The following STK17A variants were observed in gnomAD, a reference collection of about 807,000 sequenced individuals.
STK17A encodes the protein serine/threonine kinase 17a.
A neutral mutation model predicts 43.7 loss-of-function variants in STK17A; 26 were observed. That is an observed-to-expected ratio of 0.60 (90% CI 0.44 to 0.83). The LOEUF is 0.83. STK17A is among the 40% of genes least tolerant of loss of function. The pLI, the probability that STK17A is intolerant of heterozygous loss-of-function variation, is 0.00. For synonymous variants in STK17A, 191 were observed against 182.5 expected (o/e 1.05, Z -0.38); for missense variants, 476 against 511.6 (o/e 0.93, Z 0.67).
intron 4 of STK17A, chr7:43,623,262 G>T (rs575030292): frequency 2.4e-5 from 6 of 253,570 alleles, no homozygotes; most frequent in Non-Finnish European, 4.5e-5. Context: ...TAAAAGCCAT[G>T]ATCTGATAGA....
intron 2 of STK17A, among the ~76,000 whole-genome samples, chr7:43,606,855 C>CTT (rs200562237): frequency 1.5e-5 from 2 of 132,814 alleles, no homozygotes; most frequent in African/African-American, 5.6e-5. Context: ...AATATAGTCT[C>CTT]TTTTTTTTTG....
intron 1 of STK17A, among the ~76,000 whole-genome samples, chr7:43,585,140 T>A (rs2082429771): frequency 6.6e-6 from 1 of 151,810 alleles, no homozygotes; most frequent in Admixed American, 6.6e-5. Context: ...GAGGTTGCAG[T>A]GAGCCAAGAT....
intron 1 of STK17A, among the ~76,000 whole-genome samples, chr7:43,587,279 C>T (rs1268688488): frequency 1.4e-4 from 21 of 150,270 alleles, no homozygotes; most frequent in African/African-American, 4.9e-4. Flanking sequence ...CTCAGCCTCC[C>T]GAGTAGCTGG....
Position 43,583,343 on chromosome 7 carries a change from C to A in STK17A, c.100C>A (p.Pro34Thr). 1 of 1,435,380 alleles carries A rather than the reference C, an allele frequency of 7.0e-7. No homozygotes were observed. The highest frequency in any genetic ancestry group is 9.1e-7 in the Non-Finnish European group (1 of 1,093,038). The allele number at this position is 1,435,380 out of a possible 1,614,324, so 88.9% of individuals were successfully genotyped here. Residue 34 changes from proline to threonine, a missense_variant, in exon 1 of 7, where the codon CCG becomes ACG. Transcript: ENST00000319357. ...GGGTCTGAGCGGGCCGTGCCGGCCG[C>A]CGCCGCCGCCCCAGGCCCGCGGGCT... ...GRGLSGPCRP[P>T]PPPQARGLLT...
intron 2 of STK17A, among the ~76,000 whole-genome samples, chr7:43,604,103 T>C (rs1376960463): frequency 1.3e-5 from 2 of 152,186 alleles, no homozygotes; most frequent in Non-Finnish European, 2.9e-5. Flanking sequence ...GTATTAAGCA[T>C]TCACTATGTG....
At chr7:43,621,621 G>T (rs2083898973) in intron 4 of STK17A, among the ~76,000 whole-genome samples, 1 of 152,040 alleles carries the variant, frequency 6.6e-6, no homozygotes, top group Non-Finnish European at 1.5e-5. Flanking sequence ...GCACGTGCCA[G>T]CACAGCGGGC....
intron 3 of STK17A, among the ~76,000 whole-genome samples, chr7:43,615,817 A>G (rs1246348960): frequency 6.6e-6 from 1 of 151,872 alleles, no homozygotes; most frequent in Non-Finnish European, 1.5e-5. Flanking sequence ...CTTCCTGCTT[A>G]CTCCAACCCC....
chr7:43,618,319 T>G (rs2083535045), intron 3 of STK17A, among the ~76,000 whole-genome samples: 2 of 152,190 alleles, frequency 1.3e-5, no homozygotes, highest in African/African-American at 4.8e-5. Flanking sequence ...TGAGAATAAA[T>G]CTGTCAGGCA....
At chr7:43,623,938 A>C in intron 6 of STK17A, 50 bp downstream of exon 6, 1 of 1,263,576 alleles carries the variant, frequency 7.9e-7, no homozygotes, top group Non-Finnish European at 1.0e-6. Context: ...AATATTAAAA[A>C]ATTCAGTATT....
chr7:43,618,325 A>G (rs2083536311), intron 3 of STK17A, among the ~76,000 whole-genome samples: 1 of 152,206 alleles, frequency 6.6e-6, no homozygotes, highest in Non-Finnish European at 1.5e-5. Flanking sequence ...TAAATCTGTC[A>G]GGCAGAAAAG....
At chr7:43,612,098 C>T (rs13437772) in intron 3 of STK17A, among the ~76,000 whole-genome samples, 22,316 of 152,210 alleles carry the variant, frequency 0.15, 2,181 homozygotes, top group Non-Finnish European at 0.21. Context: ...CTCTAATACA[C>T]TTGGTTTAGA....
chr7:43,594,886 A>G (rs1258508031), intron 1 of STK17A, among the ~76,000 whole-genome samples: 2 of 149,874 alleles, frequency 1.3e-5, no homozygotes, highest in Non-Finnish European at 3.0e-5. Context: ...AAAAAAAAAA[A>G]AAAAGAAAGA....
intron 2 of STK17A, 69 bp downstream of exon 2, chr7:43,596,182 C>T (rs2082514176): frequency 7.1e-7 from 1 of 1,417,804 alleles, no homozygotes; most frequent in African/African-American, 1.4e-5. Context: ...TGCCACTCAT[C>T]TGTGATAATG....
At chr7:43,608,483 G>A (rs748811556) in intron 3 of STK17A, 83 bp downstream of exon 3, 6 of 1,484,046 alleles carry the variant, frequency 4.0e-6, no homozygotes, top group Non-Finnish European at 5.4e-6. Context: ...ATTCAAACAT[G>A]TTTCACGTTT....
intron 4 of STK17A, among the ~76,000 whole-genome samples, chr7:43,621,990 C>T (rs1284286083): frequency 6.6e-6 from 1 of 152,084 alleles, no homozygotes; most frequent in Non-Finnish European, 1.5e-5. Flanking sequence ...CTCTTTATAC[C>T]TCAGATTCCT....
intron 3 of STK17A, among the ~76,000 whole-genome samples, chr7:43,611,640 T>C (rs552040536): frequency 4.6e-5 from 7 of 152,304 alleles, no homozygotes; most frequent in African/African-American, 1.4e-4. Flanking sequence ...AAGGAAGATA[T>C]GGCCTCCGCA....
At chr7:43,624,458 A>C in intron 6 of STK17A, 60 bp from the exon 7 acceptor site, 2 of 1,492,448 alleles carry the variant, frequency 1.3e-6, no homozygotes, top group African/African-American at 1.4e-5. Context: ...ACAGTACCTT[A>C]TGCTCTAATT....
chr7:43,609,861 T>G (rs1181259467), intron 3 of STK17A, among the ~76,000 whole-genome samples: 1 of 152,234 alleles, frequency 6.6e-6, no homozygotes, highest in East Asian at 1.9e-4. Flanking sequence ...TGATCTACCT[T>G]GACCTCTGCT....
intron 3 of STK17A, among the ~76,000 whole-genome samples, chr7:43,612,760 C>G (rs2082989169): frequency 6.6e-6 from 1 of 151,614 alleles, no homozygotes; most frequent in Admixed American, 6.6e-5. Flanking sequence ...AAGACTGATT[C>G]ACTGAAGACT....
Sources: allele counts gnomAD v4.1 joint callset (sites outside exome capture counted in the v4.1 genomes callset), GRCh38; gene constraint gnomAD v4.1.1; transcripts MANE v1.5; gene names NCBI Gene and HGNC (gene_info 2026-07-23, HGNC 2026-07-21).